Variants in GPC5 observed in about 807,000 individuals in gnomAD.
GPC5 encodes glypican 5.
Under a neutral mutation model 53.9 loss-of-function variants are expected in GPC5, and 47 were observed. The observed-to-expected ratio is 0.87, with a 90% confidence interval of 0.69 to 1.11. GPC5 has a LOEUF of 1.11. Ranked by LOEUF, GPC5 falls within the 50% of genes most tolerant of loss-of-function variation. The probability of loss-of-function intolerance (pLI) is 0.00; values close to 1 mark genes in which losing one functional copy is unlikely to be tolerated. For missense variants in GPC5, 748 were observed against 713.1 expected, an observed-to-expected ratio of 1.05 and a Z score of -0.56; for synonymous variants, 286 against 263.3, an observed-to-expected ratio of 1.09 and a Z score of -0.84.
chr13:91,724,391 C>G (rs1468555156), intron 3 of GPC5, among the ~76,000 whole-genome samples: 1 of 152,082 alleles, frequency 6.6e-6, no homozygotes, highest in Admixed American at 6.5e-5. Context: ...GTGAAGTGAG[C>G]CTGTGCCTCC....
At chr13:92,084,838 A>T (rs2041323613) in intron 6 of GPC5, among the ~76,000 whole-genome samples, 1 of 152,236 alleles carries the variant, frequency 6.6e-6, no homozygotes, top group African/African-American at 2.4e-5. Flanking sequence ...AAGTTGTGTT[A>T]ATCCATTCAC....
At chr13:91,935,202 A>G (rs913351739) in intron 6 of GPC5, among the ~76,000 whole-genome samples, 5 of 152,070 alleles carry the variant, frequency 3.3e-5, no homozygotes, top group African/African-American at 7.2e-5. Context: ...GATAAGAATA[A>G]TCTCATCTGA....
chr13:91,579,633 T>TC (rs2032278253), intron 2 of GPC5, among the ~76,000 whole-genome samples: 1 of 142,450 alleles, frequency 7.0e-6, no homozygotes, highest in African/African-American at 2.6e-5. Flanking sequence ...TCTTTTTTTT[T>TC]TTTTTTTTTT....
chr13:92,032,180 G>A lies in GPC5; in HGVS notation c.1402-112650G>A, dbSNP rs182744278. The stretch of plus-strand genomic sequence containing the variant: ...CATTATTCTAAGTGAAGTAACTCAG[G>A]AATGGAAAACCAAACATCCTATGTT... On this transcript the variant is annotated intron_variant, in intron 6 of 7. Coordinates refer to ENST00000377067, the MANE Select transcript of GPC5 (RefSeq NM_004466.6). Among the ~76,000 whole-genome samples, 1,114 of 149,562 alleles carry A rather than the reference G, an allele frequency of 7.4e-3. 25 individuals are homozygous for A. Among genetic ancestry groups the A allele is most frequent in the Admixed American group, 0.011 (161 of 14,840 alleles).
chr13:92,813,114 C>T (rs1594523973), intron 7 of GPC5, among the ~76,000 whole-genome samples: 1 of 151,830 alleles, frequency 6.6e-6, no homozygotes, highest in East Asian at 1.9e-4. Context: ...TTTAAATAAT[C>T]CTTACCATGC....
intron 5 of GPC5, among the ~76,000 whole-genome samples, chr13:91,866,784 C>G (rs576370950): frequency 1.3e-5 from 2 of 152,284 alleles, no homozygotes; most frequent in East Asian, 3.9e-4. Flanking sequence ...TAAATTCACC[C>G]ACTTATTGCG....
rs564620295 is a variant in GPC5 at position 92,459,422 on chromosome 13, A to C, written c.1561+314433A>C. On this transcript the variant is annotated intron_variant, in intron 7 of 7. Coordinates refer to ENST00000377067, the MANE Select transcript of GPC5 (RefSeq NM_004466.6). ...TATGAATTTAAATCTCTTGTAGTCCATCTGTTCATCAAAGAGTAATTTACT... is the reference window on the plus strand; with the variant it reads ...TATGAATTTAAATCTCTTGTAGTCCCTCTGTTCATCAAAGAGTAATTTACT... Among the ~76,000 whole-genome samples, 15 of 152,308 alleles carry C rather than the reference A, an allele frequency of 9.8e-5. No homozygotes were observed. The East Asian group carries it at 2.9e-3, about 29-fold the overall frequency.
intron 7 of GPC5, among the ~76,000 whole-genome samples, chr13:92,146,871 GAT>G (rs1426969437): frequency 6.6e-6 from 1 of 151,312 alleles, no homozygotes; most frequent in Admixed American, 6.6e-5. Context: ...AGTATTCCAT[GAT>G]ATATATATAT....
chr13:92,008,638 C>T (rs943540403), intron 6 of GPC5, among the ~76,000 whole-genome samples: 1 of 152,056 alleles, frequency 6.6e-6, no homozygotes, highest in Non-Finnish European at 1.5e-5. Flanking sequence ...TTTAATTAAG[C>T]GGTTTCTGAG....
intron 7 of GPC5, among the ~76,000 whole-genome samples, chr13:92,809,347 G>A (rs552980215): frequency 3.9e-5 from 6 of 152,220 alleles, no homozygotes; most frequent in Admixed American, 6.6e-5. Context: ...TACTGCAATC[G>A]CTGTTCAAAA....
intron 7 of GPC5, among the ~76,000 whole-genome samples, chr13:92,849,856 T>C (rs1594548625): frequency 6.6e-6 from 1 of 152,214 alleles, no homozygotes; most frequent in Admixed American, 6.5e-5. Context: ...TTAATCACAA[T>C]AGTCTTCATA....
At chr13:91,770,766 A>G (rs575029777) in intron 5 of GPC5, among the ~76,000 whole-genome samples, 42 of 151,282 alleles carry the variant, frequency 2.8e-4, no homozygotes, top group African/African-American at 8.7e-4. Context: ...CTTATTTCAC[A>G]CAAGCAAAGA....
chr13:91,800,876 A>T (rs1181754975), intron 5 of GPC5, among the ~76,000 whole-genome samples: 1 of 152,066 alleles, frequency 6.6e-6, no homozygotes, highest in Non-Finnish European at 1.5e-5. Flanking sequence ...ATCTGTCTCC[A>T]TAGTGTCTTT....
chr13:91,473,455 A>G (rs1165755509), intron 2 of GPC5, among the ~76,000 whole-genome samples: 2 of 152,196 alleles, frequency 1.3e-5, no homozygotes, highest in Non-Finnish European at 2.9e-5. Context: ...AATGCTTCCT[A>G]TGAGGGGTAC....
At chr13:92,138,029 A>G (rs1179118214) in intron 6 of GPC5, among the ~76,000 whole-genome samples, 2 of 152,096 alleles carry the variant, frequency 1.3e-5, no homozygotes, top group Admixed American at 6.6e-5. Context: ...TAGGGAGTCT[A>G]TGGGAACTCT....
chr13:92,009,985 A>G (rs2040645225), intron 6 of GPC5, among the ~76,000 whole-genome samples: 1 of 152,182 alleles, frequency 6.6e-6, no homozygotes, highest in African/African-American at 2.4e-5. Flanking sequence ...AATTTTGTAA[A>G]CATAGAGTAC....
At chr13:91,884,219 C>T (rs1405632331) in intron 5 of GPC5, among the ~76,000 whole-genome samples, 1 of 152,158 alleles carries the variant, frequency 6.6e-6, no homozygotes, top group African/African-American at 2.4e-5. Context: ...AAGAGAACTA[C>T]CATTCCAACC....
At chr13:92,483,550 C>T (rs78277833) in intron 7 of GPC5, among the ~76,000 whole-genome samples, 3,114 of 152,022 alleles carry the variant, frequency 0.02, 101 homozygotes, top group African/African-American at 0.07. Flanking sequence ...ATGTGAAGGC[C>T]GAGAAAATTA....
intron 7 of GPC5, among the ~76,000 whole-genome samples, chr13:92,734,025 G>A (rs1888875302): frequency 6.6e-6 from 1 of 151,750 alleles, no homozygotes; most frequent in South Asian, 2.1e-4. Context: ...GGGGAAATCT[G>A]CTGAACTAAT....
Sources: gnomAD v4.1 joint callset for allele counts (sites outside exome capture counted in the v4.1 genomes callset) on GRCh38, gnomAD v4.1.1 for gene constraint, MANE v1.5 for transcripts, NCBI Gene and HGNC (gene_info 2026-07-23, HGNC 2026-07-21) for gene names.